The following PCBP3 variants were observed in gnomAD, a reference collection of about 807,000 sequenced individuals.
PCBP3 encodes poly(rC)-binding protein 3.
Under a neutral mutation model 52.7 loss-of-function variants are expected in PCBP3, and 25 were observed. The observed-to-expected ratio is 0.47, with a 90% CI of 0.35 to 0.66. The LOEUF is 0.66. Among genes scored for constraint, PCBP3 ranks in the 30% least tolerant of loss-of-function variants. The pLI is 0.01. For missense variants in PCBP3, 391 were observed against 490.3 expected (o/e 0.80, Z 1.91); for synonymous variants, 162 against 183.0 (o/e 0.89, Z 0.93).
intron 2 of PCBP3, among the ~76,000 whole-genome samples, chr21:45,691,931 C>T (rs1188891968): frequency 2.6e-5 from 4 of 152,126 alleles, no homozygotes; most frequent in Non-Finnish European, 5.9e-5. Context: ...GGAGATGGAC[C>T]AGTGAGATAG....
chr21:45,676,608 G>GT (rs2081483333), intron 2 of PCBP3, among the ~76,000 whole-genome samples: 1 of 151,956 alleles, frequency 6.6e-6, no homozygotes, highest in Non-Finnish European at 1.5e-5. Context: ...GATGTTCTAT[G>GT]TGTTCTGACT....
intron 4 of PCBP3, among the ~76,000 whole-genome samples, chr21:45,819,860 G>A (rs146631384): frequency 6.6e-6 from 1 of 152,358 alleles, no homozygotes; most frequent in African/African-American, 2.4e-5. Context: ...CGTCTGTCAT[G>A]TTAATTGTGG....
At chr21:45,672,482 T>C (rs1345392557) in intron 2 of PCBP3, among the ~76,000 whole-genome samples, 1 of 152,006 alleles carries the variant, frequency 6.6e-6, no homozygotes, top group African/African-American at 2.4e-5. Context: ...TGTTTTAGGC[T>C]CATGTTTCTT....
rs1371985639 is a variant in PCBP3 at position 45,821,390 on chromosome 21, C to A, written c.-125-28571C>A. ...CTGCACCACGCTGTGGGCCCCGCAC[C>A]CTCCCCCAACTCTTTTCTACAACAC... is the stretch of plus-strand genomic sequence containing the variant. On this transcript the variant is annotated intron_variant, in intron 4 of 17. Transcript: ENST00000681687. This position sits in a 1 kb window ranked among gnomAD's most constrained non-coding sequence, Gnocchi z 4.4. Among the ~76,000 whole-genome samples the A allele has an allele frequency of 6.6e-6, 1 of 151,588 alleles. No homozygotes were observed. Among genetic ancestry groups the A allele is most frequent in the Admixed American group, 6.6e-5 (1 of 15,234 alleles).
chr21:45,790,286 TCAAA>T (rs1473932688), intron 4 of PCBP3, among the ~76,000 whole-genome samples: 3 of 152,070 alleles, frequency 2.0e-5, no homozygotes, highest in Admixed American at 6.5e-5. Flanking sequence ...GGTAGGACCT[TCAAA>T]CAGAGTGGAG....
chr21:45,764,137 T>C (rs1409126871), intron 4 of PCBP3, among the ~76,000 whole-genome samples: 1 of 151,792 alleles, frequency 6.6e-6, no homozygotes, highest in Non-Finnish European at 1.5e-5. Flanking sequence ...TTTTTTTGTT[T>C]TTGAGATGAA....
chr21:45,898,610 C>T (rs1289413458), intron 6 of PCBP3, among the ~76,000 whole-genome samples: 3,101 of 115,860 alleles, frequency 0.027, 22 homozygotes, highest in East Asian at 0.065. Context: ...CCCCTCTACA[C>T]ACCGTCCTCA....
At chr21:45,795,930 C>T (rs370618799) in intron 4 of PCBP3, among the ~76,000 whole-genome samples, 1 of 152,190 alleles carries the variant, frequency 6.6e-6, no homozygotes, top group African/African-American at 2.4e-5. Flanking sequence ...CTGCTGTTTA[C>T]AGCCTCTGTG....
chr21:45,655,952 C>G (rs548763310), intron 1 of PCBP3, among the ~76,000 whole-genome samples: 1 of 152,220 alleles, frequency 6.6e-6, no homozygotes, highest in Non-Finnish European at 1.5e-5. Context: ...GATACCGTCT[C>G]ACACCAGTTT....
chr21:45,877,712 G>A (rs55721907), intron 5 of PCBP3, among the ~76,000 whole-genome samples: 39 of 152,304 alleles, frequency 2.6e-4, no homozygotes, highest in African/African-American at 7.9e-4. Context: ...AGGCTGAGGC[G>A]GAGGAATTGC....
intron 2 of PCBP3, among the ~76,000 whole-genome samples, chr21:45,689,713 A>G (rs1398121186): frequency 6.6e-6 from 1 of 152,160 alleles, no homozygotes; most frequent in East Asian, 1.9e-4. Context: ...ATATAAAGCA[A>G]ACTATTTTTG....
At chr21:45,918,717 G>C in intron 13 of PCBP3, 1 of 143,512 alleles carries the variant, frequency 7.0e-6, no homozygotes, top group Non-Finnish European at 1.5e-5. Flanking sequence ...ATAAACCGTC[G>C]GTGTAATTCC....
intron 13 of PCBP3, among the ~76,000 whole-genome samples, chr21:45,927,828 C>T (rs887371117): frequency 3.3e-5 from 5 of 152,178 alleles, no homozygotes; most frequent in Non-Finnish European, 5.9e-5. Flanking sequence ...CCTGTCGCCA[C>T]GGCCACAAGC....
At chr21:45,861,587 T>C (rs2094512159) in intron 5 of PCBP3, among the ~76,000 whole-genome samples, 1 of 150,570 alleles carries the variant, frequency 6.6e-6, no homozygotes, top group Non-Finnish European at 1.5e-5. Context: ...AGAGCGAGAG[T>C]TGTCTTAATG....
At chr21:45,697,033 T>C (rs2082821811) in intron 2 of PCBP3, among the ~76,000 whole-genome samples, 1 of 152,228 alleles carries the variant, frequency 6.6e-6, no homozygotes, top group African/African-American at 2.4e-5. Flanking sequence ...TATATGCTGC[T>C]GGTTGATTGT....
rs560053390 is a variant in PCBP3 at position 45,791,388 on chromosome 21, T to G, written c.-126+35936T>G. On this transcript the variant is annotated intron_variant, in intron 4 of 17. Transcript: ENST00000681687. The surrounding 1 kb of genome is among the most constrained non-coding windows in gnomAD (Gnocchi z 4.2). ...TCTGGTCTGGTGTACACTGAGTCGT[T>G]TGTGTTCTCCAGTTGTGTGCAGCTC... is the stretch of plus-strand genomic sequence containing the variant. Among the ~76,000 whole-genome samples the G allele has an allele frequency of 2.1e-3, 312 of 149,168 alleles. No individual in the cohort carries two copies. The highest frequency in any genetic ancestry group is 0.012 in the South Asian group (54 of 4,360).
intron 5 of PCBP3, 35 bp from the exon 6 acceptor site, chr21:45,896,171 ACT>A (rs1167986980): frequency 1.3e-6 from 2 of 1,547,138 alleles, no homozygotes; most frequent in Non-Finnish European, 1.7e-6. Context: ...GGTCCGTGAG[ACT>A]CTTCTCTAGC....
chr21:45,706,013 C>A (rs750616936), intron 2 of PCBP3, among the ~76,000 whole-genome samples: 1 of 152,224 alleles, frequency 6.6e-6, no homozygotes, highest in Non-Finnish European at 1.5e-5. Flanking sequence ...ATCTTTCTTA[C>A]AGCCTTTCAC....
intron 16 of PCBP3, chr21:45,935,549 A>T: frequency 3.1e-6 from 2 of 635,148 alleles, no homozygotes. Flanking sequence ...GGGACTTCAG[A>T]TATTAATCAG....
Sources: gnomAD v4.1 joint callset for allele counts (sites outside exome capture counted in the v4.1 genomes callset) on GRCh38, gnomAD v4.1.1 for gene constraint, Gnocchi (gnomAD v3.1) non-coding constraint, MANE v1.5 for transcripts, NCBI Gene and HGNC (gene_info 2026-07-23, HGNC 2026-07-21) for gene names.